ZNF71: variants seen among roughly 807,000 people sequenced by gnomAD.
ZNF71 encodes endothelial zinc finger protein induced by tumor necrosis factor alpha.
A neutral mutation model predicts 6.7 loss-of-function variants in ZNF71; 3 were observed. That is an observed-to-expected ratio of 0.45 (90% confidence interval 0.20 to 1.16). The LOEUF is 1.16. Ranked by LOEUF, ZNF71 falls within the 50% of genes most tolerant of loss-of-function variation. ZNF71 has a pLI of 0.25. For missense variants in ZNF71, 688 were observed against 728.6 expected, an observed-to-expected ratio of 0.94 and a Z score of 0.64; for synonymous variants, 343 against 311.1, an observed-to-expected ratio of 1.10 and a Z score of -1.08.
At position 56,607,015 on chromosome 19, in the gene ZNF71, G is replaced by C. The variant is rs77356010; in HGVS notation, c.33+5424G>C. ...AAGCTGACTTATATTGAAAGAGACA[G>C]TGAAAATGGGTAATTTGATCCAGCA... On this transcript the variant is annotated intron_variant, in intron 2 of 3. Coordinates refer to ENST00000599599, the MANE Select transcript of ZNF71 (RefSeq NM_001370215.1). Among the ~76,000 whole-genome samples, 51 of 152,254 alleles carry C rather than the reference G, an allele frequency of 3.3e-4. No individual in the cohort carries two copies. The East Asian group carries it at 8.9e-3, about 26-fold the overall frequency.
intron 2 of ZNF71, among the ~76,000 whole-genome samples, chr19:56,605,476 CAA>C (rs1244293000): frequency 6.6e-6 from 1 of 152,232 alleles, no homozygotes; most frequent in Non-Finnish European, 1.5e-5. Flanking sequence ...TGCCACCACA[CAA>C]GAGATGCCAG....
intron 3 of ZNF71, among the ~76,000 whole-genome samples, chr19:56,620,320 G>A (rs920252104): frequency 3.3e-5 from 5 of 152,110 alleles, no homozygotes; most frequent in Admixed American, 1.3e-4. Context: ...AGAAATGCCC[G>A]ATTTTTCTCT....
At chr19:56,601,224 G>C (rs973030405) in intron 1 of ZNF71, among the ~76,000 whole-genome samples, 1 of 152,146 alleles carries the variant, frequency 6.6e-6, no homozygotes, top group Non-Finnish European at 1.5e-5. Flanking sequence ...CTGTAATCTT[G>C]AGCAAGTGGT....
chr19:56,600,558 T>C (rs1046023190), intron 1 of ZNF71, among the ~76,000 whole-genome samples: 21 of 152,126 alleles, frequency 1.4e-4, no homozygotes, highest in African/African-American at 4.8e-4. Context: ...CCACTACCCT[T>C]CCCAGCCTCA....
At chr19:56,619,515 C>G (rs915370161) in intron 3 of ZNF71, among the ~76,000 whole-genome samples, 1 of 152,164 alleles carries the variant, frequency 6.6e-6, no homozygotes, top group Admixed American at 6.5e-5. Flanking sequence ...AGTTTCGTAT[C>G]GGATGTGTTA....
intron 1 of ZNF71, among the ~76,000 whole-genome samples, chr19:56,600,014 G>C (rs1483750883): frequency 2.0e-5 from 3 of 150,526 alleles, no homozygotes; most frequent in Non-Finnish European, 4.4e-5. Flanking sequence ...AATTATTATT[G>C]ATCATAGTCA....
At position 56,599,696 on chromosome 19, in the gene ZNF71, G is replaced by GTT. The variant is rs199608642; in HGVS notation, c.-52-1797_-52-1796dup. Among the ~76,000 whole-genome samples, 23 of 133,232 alleles carry GTT rather than the reference G, an allele frequency of 1.7e-4. 1 individual carries two copies. Among genetic ancestry groups the GTT allele is most frequent in the African/African-American group, 2.5e-4 (9 of 35,452 alleles). The allele number at this position is 133,232 out of a possible 152,430, so 87.4% of individuals were successfully genotyped here. A position where few individuals can be genotyped will look rare whatever the true frequency, so the allele number is the denominator to read the frequency against. On this transcript the variant is annotated intron_variant, in intron 1 of 3. Transcript: ENST00000599599. ...AATCTGATTACATTTTTAGTGTTTT[G>GTT]TTTTTTTTTTTTTTTGAGATGGAGT...
chr19:56,611,202 A>G (rs967651651), intron 2 of ZNF71, among the ~76,000 whole-genome samples: 1 of 152,150 alleles, frequency 6.6e-6, no homozygotes, highest in Non-Finnish European at 1.5e-5. Context: ...GCAGGGCTGG[A>G]GCAGAGCACA....
At chr19:56,599,895 G>GTGTTAGCTAGGA (rs1305033588) in intron 1 of ZNF71, among the ~76,000 whole-genome samples, 47 of 151,448 alleles carry the variant, frequency 3.1e-4, no homozygotes, top group Admixed American at 1.3e-4. Flanking sequence ...GGGTTTCACC[G>GTGTTAGCTAGGA]TGGTCTTGAT....
intron 1 of ZNF71, among the ~76,000 whole-genome samples, chr19:56,599,725 G>A (rs1447730842): frequency 6.9e-6 from 1 of 144,210 alleles, no homozygotes; most frequent in Non-Finnish European, 1.5e-5. Context: ...ATGGAGTCTC[G>A]CTCTGTCACC....
chr19:56,606,218 C>T (rs777783843), intron 2 of ZNF71, among the ~76,000 whole-genome samples: 1 of 152,100 alleles, frequency 6.6e-6, no homozygotes. Flanking sequence ...CAGTTGTATG[C>T]CCAGTGCCTG....
intron 1 of ZNF71, among the ~76,000 whole-genome samples, chr19:56,595,853 T>TTGTG (rs60371305): frequency 0.093 from 12,764 of 137,364 alleles, 728 homozygotes; most frequent in East Asian, 0.21. Context: ...GTGTGTGTGT[T>TTGTG]TGTGTGTGTG....
At position 56,621,542 on chromosome 19, in the gene ZNF71, CTG is replaced by C. The variant is rs777177328; in HGVS notation, c.439_440del (p.Val147ProfsTer32). ...AACTGAAGGCATTTGCCAACCAAGG[CTG>C]TGTCCTGGTCCCACCACGGCTGGAC... ...HELKAFANQG[C>X]VLVPPRLDDP... On this transcript the variant is annotated frameshift_variant, in exon 4 of 4. Coordinates refer to ENST00000599599, the MANE Select transcript of ZNF71 (RefSeq NM_001370215.1). LOFTEE classifies it low-confidence loss of function (END_TRUNC). The C allele has an allele frequency of 6.2e-7, 1 of 1,614,228 alleles. No homozygotes were observed. The highest frequency in any genetic ancestry group is 2.2e-5 in the East Asian group (1 of 44,884).
At chr19:56,612,309 C>T (rs1293236520) in intron 2 of ZNF71, among the ~76,000 whole-genome samples, 1 of 152,052 alleles carries the variant, frequency 6.6e-6, no homozygotes, top group Non-Finnish European at 1.5e-5. Flanking sequence ...TGCCCATCAA[C>T]CAATGAATAA....
At chr19:56,609,705 A>G (rs943942698) in intron 2 of ZNF71, among the ~76,000 whole-genome samples, 1 of 141,460 alleles carries the variant, frequency 7.1e-6, no homozygotes, top group Non-Finnish European at 1.5e-5. Flanking sequence ...TGTTCTGGAC[A>G]TTGTACATAA....
chr19:56,623,052 A>G lies in ZNF71; in HGVS notation c.*295A>G. The G allele has an allele frequency of 2.1e-6, 1 of 465,252 alleles. No homozygotes were observed. Among genetic ancestry groups the G allele is most frequent in the East Asian group, 3.7e-5 (1 of 26,888 alleles). 28.8% of individuals were successfully genotyped at this position (465,252 alleles called of 1,614,324 possible). On this transcript the variant is annotated 3_prime_UTR_variant, in exon 4 of 4. Transcript: ENST00000599599. ...GGTTCCAGACTAGCCCTCTTGAGTA[A>G]CTGTCCTAGAGCTGGGACAGGTCAC...
At chr19:56,599,973 G>A (rs551792894) in intron 1 of ZNF71, among the ~76,000 whole-genome samples, 2 of 151,922 alleles carry the variant, frequency 1.3e-5, no homozygotes, top group African/African-American at 2.4e-5. Flanking sequence ...GAGCCACTGC[G>A]CCCGGCCAGT....
intron 2 of ZNF71, among the ~76,000 whole-genome samples, chr19:56,606,716 T>A (rs549985485): frequency 6.6e-6 from 1 of 152,222 alleles, no homozygotes; most frequent in East Asian, 1.9e-4. Flanking sequence ...CTGCTTGGGC[T>A]TCCTCACAGC....
In ZNF71 at chr19:56,623,765, TG is replaced by T. The variant is rs1392314391; in HGVS notation, c.*1012del. Reference sequence around the variant, plus strand: ...AGGCTCTGGCAGATTTGGTGTCTGATGGGGTATGTTCTTCATAGGTAGTGCT... The same window carrying T: ...AGGCTCTGGCAGATTTGGTGTCTGATGGGTATGTTCTTCATAGGTAGTGCT... On this transcript the variant is annotated 3_prime_UTR_variant, in exon 4 of 4. Transcript: ENST00000599599. 1 of 167,224 alleles carries T rather than the reference TG, an allele frequency of 6.0e-6. No individual in the cohort carries two copies. Among genetic ancestry groups the T allele is most frequent in the Non-Finnish European group, 1.5e-5 (1 of 68,240 alleles). 10.4% of individuals were successfully genotyped at this position (167,224 alleles called of 1,614,324 possible).
Sources: allele counts gnomAD v4.1 joint callset (sites outside exome capture counted in the v4.1 genomes callset), GRCh38; gene constraint gnomAD v4.1.1; transcripts MANE v1.5; gene names NCBI Gene and HGNC (gene_info 2026-07-23, HGNC 2026-07-21).